CPNE9: variants seen among roughly 807,000 people sequenced by gnomAD.
CPNE9 encodes the protein copine family member 9.
CPNE9 carries 59 observed loss-of-function variants against 83.0 expected under a neutral mutation model. The ratio of observed to expected loss-of-function variants is 0.71; its 90% CI spans 0.58 to 0.88. The LOEUF (loss-of-function observed/expected upper bound fraction) is 0.88. Among genes scored for constraint, CPNE9 ranks in the 40% least tolerant of loss-of-function variants. The probability of loss-of-function intolerance (pLI) is 0.00; values close to 1 mark genes in which losing one functional copy is unlikely to be tolerated. For synonymous variants in CPNE9, 256 were observed against 273.4 expected (o/e 0.94, Z 0.63); for missense variants, 619 against 720.8 (o/e 0.86, Z 1.62).
chr3:9,722,370 C>T (rs2076742643), intron 17 of CPNE9, among the ~76,000 whole-genome samples: 1 of 152,208 alleles, frequency 6.6e-6, no homozygotes, highest in Non-Finnish European at 1.5e-5. Context: ...GAGGCATAGA[C>T]TGGCCTCCTC....
intron 20 of CPNE9, among the ~76,000 whole-genome samples, chr3:9,729,070 A>G (rs192195418): frequency 2.2e-3 from 330 of 152,326 alleles, no homozygotes; most frequent in Non-Finnish European, 3.4e-3. Flanking sequence ...AGATAGACCC[A>G]GAGGAATGGT....
At chr3:9,705,367 C>G in intron 4 of CPNE9, 97 bp from the exon 5 acceptor site, 1 of 955,806 alleles carries the variant, frequency 1.0e-6, no homozygotes, top group Non-Finnish European at 1.6e-6. Context: ...GCCGCCCATC[C>G]CTCCACCCAA....
chr3:9,709,909 G>C (rs561597889), intron 7 of CPNE9, among the ~76,000 whole-genome samples: 1 of 148,058 alleles, frequency 6.8e-6, no homozygotes, highest in African/African-American at 2.5e-5. Context: ...AGAATCACTT[G>C]AACCCAGGTG....
chr3:9,707,588 G>C (rs1441052572), intron 7 of CPNE9, among the ~76,000 whole-genome samples: 1 of 151,340 alleles, frequency 6.6e-6, no homozygotes, highest in Non-Finnish European at 1.5e-5. Context: ...TGAACAACAG[G>C]AAAGATGGAA....
intron 17 of CPNE9, 23 bp downstream of exon 17, chr3:9,718,625 G>A: frequency 6.2e-7 from 1 of 1,608,054 alleles, no homozygotes; most frequent in Non-Finnish European, 8.5e-7. Context: ...GGTGGAAGCT[G>A]GGGGAAATGA....
At chr3:9,715,231 T>TCAGCTCTGGTTC in intron 11 of CPNE9, 58 bp from the exon 12 acceptor site, 2 of 1,559,460 alleles carry the variant, frequency 1.3e-6, no homozygotes, top group South Asian at 2.2e-5. Context: ...AAGACTGGGT[T>TCAGCTCTGGTTC]CAGCTCTGGT....
intron 8 of CPNE9, 36 bp downstream of exon 8, chr3:9,712,640 C>G: frequency 6.2e-7 from 1 of 1,610,316 alleles, no homozygotes. Context: ...CAGGAGCTCC[C>G]TTCTCTCCCC....
rs764643722 is a variant in CPNE9 at position 9,725,718 on chromosome 3, GTATATGTATATATTTCATATATATGTA to G, written c.1242-223_1242-197del. Among the ~76,000 whole-genome samples, 509 of 65,482 alleles carry G rather than the reference GTATATGTATATATTTCATATATATGTA, an allele frequency of 7.8e-3. 2 individuals are homozygous for G. The highest frequency in any genetic ancestry group is 0.011 in the Non-Finnish European group (361 of 33,180). 43.0% of individuals were successfully genotyped at this position (65,482 alleles called of 152,430 possible). ...TATGTGTATATATGTGTATATATGTGTATATGTATATATTTCATATATATGTATATATGTGTGTGTATATATATGGAT... is the reference window on the plus strand; with the variant it reads ...TATGTGTATATATGTGTATATATGTGTATATGTGTGTGTATATATATGGAT... On this transcript the variant is annotated intron_variant, in intron 17 of 20. Coordinates refer to ENST00000383832, the MANE Select transcript of CPNE9 (RefSeq NM_153635.3).
Position 9,726,051 on chromosome 3 carries a change from C to G in CPNE9, c.1344C>G (p.Ser448Arg). 6.3e-7 allele frequency: 1 copy of G among 1,589,730 alleles called. No homozygotes were observed. Among genetic ancestry groups the G allele is most frequent in the East Asian group, 2.3e-5 (1 of 43,196 alleles). ...CGCAGACCAAGGAGGCCATCGTCAG[C>G]GTGAGTCTGAGGAGGAGGGCTTGGC... ...DMTQTKEAIVSASSLPMSIII... is the reference protein window; with the variant it reads ...DMTQTKEAIVRASSLPMSIII... Residue 448 changes from serine (S) to arginine (R), a missense_variant and splice_region_variant, in exon 18 of 21, where the codon AGC (serine) becomes AGG (arginine). By Grantham distance (110) the Ser-to-Arg change is moderately radical. Around this residue, in one of 3 missense-constraint regions of CPNE9, gnomAD observed 438 missense variants for 562.9 expected, o/e 0.78. Transcript: ENST00000383832.
chr3:9,708,236 G>C (rs1383845405), intron 7 of CPNE9, among the ~76,000 whole-genome samples: 1 of 152,198 alleles, frequency 6.6e-6, no homozygotes, highest in African/African-American at 2.4e-5. Flanking sequence ...ATAGGCATGA[G>C]CCACTGAGCC....
chr3:9,705,419 T>TGCCC, intron 4 of CPNE9, 45 bp from the exon 5 acceptor site: 1 of 662,628 alleles, frequency 1.5e-6, no homozygotes, highest in Non-Finnish European at 2.7e-6. Flanking sequence ...TTCCACCCTC[T>TGCCC]CCCCCACCCA....
chr3:9,705,439 C>CCCCCCCCCCCG, intron 4 of CPNE9, 25 bp from the exon 5 acceptor site: 1 of 1,500,078 alleles, frequency 6.7e-7, no homozygotes, highest in Non-Finnish European at 9.1e-7. Context: ...AGCCCCACCC[C>CCCCCCCCCCCG]ACACCGGTTC....
At chr3:9,715,743 A>T (rs2076676997) in intron 13 of CPNE9, among the ~76,000 whole-genome samples, 1 of 152,218 alleles carries the variant, frequency 6.6e-6, no homozygotes, top group Non-Finnish European at 1.5e-5. Flanking sequence ...AAAAGAAAAA[A>T]ACCTAAGTTG....
chr3:9,705,473 G>A lies in CPNE9; in HGVS notation c.270G>A (p.Val90=), dbSNP rs1386652320. ...TCCACTCTTTTCCCAGGTACAACGT[G>A]GACTCCAAAACCAACATCTCCAAAC... ...KQNLRFDVYN[V]DSKTNISKPK... The change falls in exon 5 of 21, where the codon GTG becomes GTA. Residue 90 remains valine (V), a synonymous_variant. Transcript: ENST00000383832. The A allele has an allele frequency of 1.4e-6, 2 of 1,449,542 alleles. No homozygotes were observed. The highest frequency in any genetic ancestry group is 5.8e-5 in the East Asian group (2 of 34,772). The allele number at this position is 1,449,542 out of a possible 1,614,324, so 89.8% of individuals were successfully genotyped here. A position where few individuals can be genotyped will look rare whatever the true frequency, so the allele number is the denominator to read the frequency against.
intron 9 of CPNE9, 23 bp downstream of exon 9, chr3:9,712,851 G>A (rs1360053771): frequency 6.2e-7 from 1 of 1,605,062 alleles, no homozygotes. Flanking sequence ...CATCAGGGCT[G>A]TTAGGCTGGG....
At chr3:9,714,609 A>G (rs1363701987) in intron 10 of CPNE9, among the ~76,000 whole-genome samples, 2 of 147,978 alleles carry the variant, frequency 1.4e-5, no homozygotes, top group African/African-American at 5.0e-5. Context: ...GCTGAGAAAA[A>G]TGCCTGGAAT....
intron 10 of CPNE9, among the ~76,000 whole-genome samples, 179 bp from the exon 11 acceptor site, chr3:9,714,735 T>TGGGTACA (rs555721856): frequency 6.6e-6 from 1 of 150,590 alleles, no homozygotes; most frequent in Non-Finnish European, 1.5e-5. Context: ...GGTAGGTGGT[T>TGGGTACA]GGGTACAGGC....
chr3:9,720,198 T>A (rs565575303), intron 17 of CPNE9, among the ~76,000 whole-genome samples: 54 of 151,892 alleles, frequency 3.6e-4, no homozygotes, highest in Non-Finnish European at 6.5e-4. Context: ...AAAGATTATT[T>A]GATTGAACAA....
At chr3:9,705,416 C>A in intron 4 of CPNE9, 48 bp from the exon 5 acceptor site, 1 of 821,922 alleles carries the variant, frequency 1.2e-6, no homozygotes, top group Non-Finnish European at 2.0e-6. Flanking sequence ...CCTTTCCACC[C>A]TCTCCCCCAC....
Sources: gnomAD v4.1 joint callset for allele counts (sites outside exome capture counted in the v4.1 genomes callset) on GRCh38, gnomAD v4.1.1 for gene constraint, gnomAD v4.1.1 regional missense constraint, MANE v1.5 for transcripts, NCBI Gene and HGNC (gene_info 2026-07-23, HGNC 2026-07-21) for gene names.